CDK17: variants seen among roughly 807,000 people sequenced by gnomAD.
The protein encoded by CDK17 is cyclin-dependent kinase 17.
Under a neutral mutation model 77.6 loss-of-function variants are expected in CDK17, and 24 were observed. The observed-to-expected ratio is 0.31, with a 90% confidence interval of 0.22 to 0.44. The LOEUF (loss-of-function observed/expected upper bound fraction) is 0.44. CDK17 is among the 20% of genes least tolerant of loss of function. The pLI is 1.00. For missense variants in CDK17, 429 were observed against 622.5 expected (o/e 0.69, Z 3.31); for synonymous variants, 203 against 210.4 (o/e 0.96, Z 0.30).
At chr12:96,345,470 C>T (rs1161794871) in intron 1 of CDK17, among the ~76,000 whole-genome samples, 12 of 152,312 alleles carry the variant, frequency 7.9e-5, no homozygotes, top group East Asian at 1.9e-4. Context: ...CCTATTTCTC[C>T]GCAACCTTGC....
intron 3 of CDK17, among the ~76,000 whole-genome samples, chr12:96,322,678 T>C (rs1459860698): frequency 6.6e-6 from 1 of 152,048 alleles, no homozygotes; most frequent in East Asian, 1.9e-4. Flanking sequence ...TGACTATAAC[T>C]AGAACAGAAA....
At chr12:96,338,139 G>A (rs936649646) in intron 1 of CDK17, among the ~76,000 whole-genome samples, 3 of 152,192 alleles carry the variant, frequency 2.0e-5, no homozygotes, top group African/African-American at 7.2e-5. Flanking sequence ...AGTCATATGA[G>A]CACTCCATGC....
rs1491120801 is a variant in CDK17 at position 96,368,806 on chromosome 12, C to CTG, written c.-30+31179_-30+31180insCA. On this transcript the variant is annotated intron_variant, in intron 1 of 16. Coordinates refer to ENST00000261211, the MANE Select transcript of CDK17 (RefSeq NM_002595.5). The stretch of plus-strand genomic sequence containing the variant: ...AATTTAGAAAGAAGCTACTCTAAGA[C>CTG]GGGGGGGGGGGGGGGGGGCACAATG... 8.9e-4 allele frequency among the ~76,000 whole-genome samples: 60 copies of CTG among 67,482 alleles called. 15 individuals are homozygous for CTG. The highest frequency in any genetic ancestry group is 1.3e-3 in the Non-Finnish European group (44 of 33,226). The allele number at this position is 67,482 out of a possible 152,430, so 44.3% of individuals were successfully genotyped here.
intron 1 of CDK17, among the ~76,000 whole-genome samples, chr12:96,372,327 G>C (rs1013642519): frequency 6.6e-5 from 10 of 151,940 alleles, no homozygotes; most frequent in African/African-American, 2.4e-4. Flanking sequence ...TAATTTCAAA[G>C]ATATTGAAAA....
At chr12:96,387,417 CAG>C (rs1168285914) in intron 1 of CDK17, among the ~76,000 whole-genome samples, 1 of 152,126 alleles carries the variant, frequency 6.6e-6, no homozygotes, top group East Asian at 1.9e-4. Context: ...CATTCAGAAA[CAG>C]AGTTTGAGAT....
intron 1 of CDK17, among the ~76,000 whole-genome samples, chr12:96,342,429 G>A (rs1183224811): frequency 2.0e-5 from 3 of 152,180 alleles, no homozygotes; most frequent in Non-Finnish European, 4.4e-5. Context: ...AGGCGTGGTG[G>A]TGTGCACCTG....
intron 16 of CDK17, 75 bp from the exon 17 acceptor site, chr12:96,280,354 A>G (rs1412065888): frequency 2.5e-5 from 38 of 1,531,816 alleles, no homozygotes; most frequent in Non-Finnish European, 3.3e-5. Context: ...GGTGACTAGG[A>G]AGCTAATGTT....
chr12:96,382,142 C>T (rs1479206868), intron 1 of CDK17, among the ~76,000 whole-genome samples: 3 of 151,848 alleles, frequency 2.0e-5, no homozygotes, highest in African/African-American at 7.3e-5. Context: ...AAAGGGATAT[C>T]GCATGTTCAA....
intron 13 of CDK17, 141 bp from the exon 14 acceptor site, chr12:96,283,786 A>T: frequency 1.8e-6 from 1 of 561,284 alleles, no homozygotes; most frequent in Non-Finnish European, 3.1e-6. Context: ...AAATAGACAC[A>T]AATCTGTTTT....
chr12:96,387,778 T>C (rs1953999752), intron 1 of CDK17, among the ~76,000 whole-genome samples: 1 of 148,032 alleles, frequency 6.8e-6, no homozygotes, highest in African/African-American at 2.5e-5. Context: ...CCTGTCTCTA[T>C]CAAAAAAGTA....
At chr12:96,349,596 A>G (rs1953281002) in intron 1 of CDK17, among the ~76,000 whole-genome samples, 1 of 152,016 alleles carries the variant, frequency 6.6e-6, no homozygotes, top group Non-Finnish European at 1.5e-5. Context: ...AAATCACTCA[A>G]TAAACAAAAG....
intron 5 of CDK17, among the ~76,000 whole-genome samples, chr12:96,306,416 C>CAAA (rs55650621): frequency 7.6e-6 from 1 of 131,358 alleles, no homozygotes; most frequent in East Asian, 2.4e-4. Flanking sequence ...ATAATTTGTA[C>CAAA]AAAAAAAAAA....
intron 10 of CDK17, among the ~76,000 whole-genome samples, chr12:96,292,201 G>A (rs2137074523): frequency 6.6e-6 from 1 of 152,214 alleles, no homozygotes; most frequent in South Asian, 2.1e-4. Context: ...AGTATTAAAC[G>A]AGCAAAAGTA....
chr12:96,353,337 C>T (rs1170688106), intron 1 of CDK17, among the ~76,000 whole-genome samples: 1 of 152,050 alleles, frequency 6.6e-6, no homozygotes, highest in Non-Finnish European at 1.5e-5. Context: ...GTTTACTATT[C>T]CATTGTATGG....
chr12:96,391,972 C>A lies in CDK17; in HGVS notation c.-30+8014G>T, dbSNP rs184798207. ...CTAAGCCTACTCTGACCTTAATTTA[C>A]CAACTCGGTGTTGTTCCTCCTAATT... On this transcript the variant is annotated intron_variant, in intron 1 of 16. Coordinates refer to ENST00000261211, the MANE Select transcript of CDK17 (RefSeq NM_002595.5). Among the ~76,000 whole-genome samples the A allele has an allele frequency of 9.6e-4, 146 of 152,228 alleles. 1 individual carries two copies. The highest frequency in any genetic ancestry group is 6.8e-3 in the Middle Eastern group (2 of 294).
At chr12:96,312,877 A>G (rs1952661864) in intron 4 of CDK17, among the ~76,000 whole-genome samples, 1 of 151,992 alleles carries the variant, frequency 6.6e-6, no homozygotes, top group African/African-American at 2.4e-5. Context: ...ATAATGCAAG[A>G]AAAAAAAGCT....
In CDK17 at chr12:96,297,448, C is replaced by G. The variant is rs960306421; in HGVS notation, c.811-116G>C. 2.0e-5 allele frequency: 15 copies of G among 748,944 alleles called. No individual in the cohort carries two copies. In the East Asian group the frequency reaches 3.4e-4, roughly 17 times the overall value. The allele number at this position is 748,944 out of a possible 1,614,324, so 46.4% of individuals were successfully genotyped here. ...TTTCAAGAAAAGATACTGGATGCAC[C>G]ATACACATAATTTAATGAAAAACTG... On this transcript the variant is annotated intron_variant, in intron 8 of 16. Coordinates refer to ENST00000261211, the MANE Select transcript of CDK17 (RefSeq NM_002595.5).
intron 1 of CDK17, among the ~76,000 whole-genome samples, chr12:96,376,060 C>A (rs534442104): frequency 6.6e-6 from 1 of 152,266 alleles, no homozygotes; most frequent in East Asian, 1.9e-4. Flanking sequence ...ACTGTCTACA[C>A]CAAGTTTACA....
intron 2 of CDK17, among the ~76,000 whole-genome samples, chr12:96,330,662 A>T (rs949500133): frequency 6.6e-6 from 1 of 152,256 alleles, no homozygotes; most frequent in African/African-American, 2.4e-5. Context: ...AAGTTCATCT[A>T]TGCTACAGCA....
Sources: gnomAD v4.1 joint callset for allele counts (sites outside exome capture counted in the v4.1 genomes callset) on GRCh38, gnomAD v4.1.1 for gene constraint, MANE v1.5 for transcripts, NCBI Gene and HGNC (gene_info 2026-07-23, HGNC 2026-07-21) for gene names.